The following CAST variants were observed in gnomAD, a reference collection of about 807,000 sequenced individuals.
CAST encodes the protein MIR583 host.
CAST carries 76 observed loss-of-function variants against 119.6 expected under a neutral mutation model. The ratio of observed to expected loss-of-function variants is 0.64; its 90% CI spans 0.53 to 0.77. The LOEUF (loss-of-function observed/expected upper bound fraction) is 0.77, where lower values mean the gene tolerates loss of function less well. Ranked by LOEUF, CAST falls within the 30% of genes least tolerant of loss-of-function variation. The pLI, the probability that CAST is intolerant of heterozygous loss-of-function variation, is 0.00. For missense variants in CAST, 953 were observed against 946.5 expected (o/e 1.01, Z -0.09); for synonymous variants, 319 against 331.6 (o/e 0.96, Z 0.41).
the CAST span, among the ~76,000 whole-genome samples, chr5:96,109,944 G>GA: frequency 3.4e-5 from 5 of 148,164 alleles, no homozygotes; most frequent in African/African-American, 5.0e-5. Flanking sequence ...AAAAAAAAAA[G>GA]AAAAAAAATA....
intron 1 of CAST, among the ~76,000 whole-genome samples, chr5:96,553,247 C>T (rs1241787961): frequency 9.8e-5 from 15 of 152,352 alleles, no homozygotes. Context: ...GGATGCAAGG[C>T]TGGTTCAACA....
intron 1 of CAST, among the ~76,000 whole-genome samples, chr5:96,619,063 T>A (rs1460826915): frequency 2.6e-5 from 4 of 151,756 alleles, no homozygotes; most frequent in Non-Finnish European, 4.4e-5. Context: ...TGTAAACGCA[T>A]CAATCAGTGC....
chr5:96,724,920 G>A (rs532946530), intron 4 of CAST, among the ~76,000 whole-genome samples: 1 of 152,140 alleles, frequency 6.6e-6, no homozygotes, highest in Non-Finnish European at 1.5e-5. Flanking sequence ...AGAAATATAG[G>A]ATTTCCTTTT....
chr5:96,426,362 C>T, the CAST span, among the ~76,000 whole-genome samples: 1 of 152,162 alleles, frequency 6.6e-6, no homozygotes, highest in African/African-American at 2.4e-5. Flanking sequence ...ATTAATTTCT[C>T]TGTCTTTACA....
chr5:96,190,144 T>G, the CAST span, among the ~76,000 whole-genome samples: 1 of 152,132 alleles, frequency 6.6e-6, no homozygotes, highest in African/African-American at 2.4e-5. Context: ...GTATGCAGAA[T>G]TTGCACTGGG....
chr5:96,535,458 A>G (rs1259709369), intron 1 of CAST, among the ~76,000 whole-genome samples: 2 of 152,200 alleles, frequency 1.3e-5, no homozygotes, highest in Non-Finnish European at 2.9e-5. Context: ...TTAAAATTAG[A>G]AAATATTGCC....
chr5:96,300,999 G>A, the CAST span, among the ~76,000 whole-genome samples: 37 of 151,980 alleles, frequency 2.4e-4, no homozygotes, highest in Non-Finnish European at 4.6e-4. Flanking sequence ...GTATTAGTCT[G>A]TTCTCACATT....
At chr5:96,619,437 ATG>A (rs1747543443) in intron 1 of CAST, among the ~76,000 whole-genome samples, 1 of 152,230 alleles carries the variant, frequency 6.6e-6, no homozygotes, top group African/African-American at 2.4e-5. Context: ...TGTCTGTAAA[ATG>A]GACCAATCAG....
At chr5:96,273,003 G>GT in the CAST span, among the ~76,000 whole-genome samples, 1 of 152,276 alleles carries the variant, frequency 6.6e-6, no homozygotes, top group East Asian at 1.9e-4. Flanking sequence ...TTGCTTTTAA[G>GT]TATTTGAATA....
chr5:96,134,279 C>T, the CAST span, among the ~76,000 whole-genome samples: 1 of 152,216 alleles, frequency 6.6e-6, no homozygotes, highest in African/African-American at 2.4e-5. Flanking sequence ...ATATGCCTTT[C>T]ACCCCATAGA....
At chr5:96,167,816 C>T in the CAST span, among the ~76,000 whole-genome samples, 7 of 152,124 alleles carry the variant, frequency 4.6e-5, no homozygotes, top group African/African-American at 1.4e-4. Context: ...TTTCCTAACT[C>T]GAGGCATGTG....
the CAST span, among the ~76,000 whole-genome samples, chr5:96,101,767 CGA>C: frequency 6.6e-6 from 1 of 152,130 alleles, no homozygotes; most frequent in Non-Finnish European, 1.5e-5. Flanking sequence ...AGCAACCAAG[CGA>C]GACTCCATCT....
the CAST span, among the ~76,000 whole-genome samples, chr5:96,150,468 G>T: frequency 1.3e-5 from 2 of 152,194 alleles, no homozygotes; most frequent in Admixed American, 1.3e-4. Context: ...TAGGGAGGAG[G>T]CTTCCAGGGA....
chr5:96,227,278 T>G, the CAST span, among the ~76,000 whole-genome samples: 1 of 152,238 alleles, frequency 6.6e-6, no homozygotes. Flanking sequence ...TTGAATTCTT[T>G]GGATTTTTTT....
chr5:96,583,943 C>T (rs1389980346), intron 1 of CAST, among the ~76,000 whole-genome samples: 2 of 152,200 alleles, frequency 1.3e-5, no homozygotes, highest in Non-Finnish European at 2.9e-5. Flanking sequence ...AGTACCCTTT[C>T]TTCCATGGTG....
At position 96,583,127 on chromosome 5, in the gene CAST, C is replaced by T. The variant is rs572626427; in HGVS notation, c.60+53247C>T. 7.9e-5 allele frequency among the ~76,000 whole-genome samples: 12 copies of T among 152,016 alleles called. No individual in the cohort carries two copies. The South Asian group carries it at 1.5e-3, about 18-fold the overall frequency. ...TGGTTTTTATGGCTGTCCTTCAGAA[C>T]GCCCCACCTTAAAAAAGTCTTTATT... is the stretch of plus-strand genomic sequence containing the variant. On this transcript the variant is annotated intron_variant, in intron 1 of 11. Coordinates refer to the CAST transcript ENST00000505143.
chr5:96,426,595 A>C, the CAST span, among the ~76,000 whole-genome samples: 1 of 152,214 alleles, frequency 6.6e-6, no homozygotes, highest in South Asian at 2.1e-4. Flanking sequence ...TACCTGCCCC[A>C]TATTTACAGC....
chr5:96,532,157 A>C (rs140910659), intron 1 of CAST, among the ~76,000 whole-genome samples: 1 of 152,312 alleles, frequency 6.6e-6, no homozygotes, highest in Non-Finnish European at 1.5e-5. Flanking sequence ...ACAACTGACT[A>C]ATGGAAGTTC....
chr5:96,198,789 C>G, the CAST span, among the ~76,000 whole-genome samples: 538 of 152,280 alleles, frequency 3.5e-3, 2 homozygotes, highest in African/African-American at 0.012. Flanking sequence ...ACATCATTCC[C>G]GGACCTGTGG....
Sources: gnomAD v4.1 joint callset for allele counts (sites outside exome capture counted in the v4.1 genomes callset) on GRCh38, gnomAD v4.1.1 for gene constraint, MANE v1.5 for transcripts, NCBI Gene and HGNC (gene_info 2026-07-23, HGNC 2026-07-21) for gene names.